Variants in PDE10A observed in about 807,000 individuals in gnomAD.
The protein encoded by PDE10A is phosphodiesterase 10A.
Under a neutral mutation model 97.7 loss-of-function variants are expected in PDE10A, and 39 were observed. The observed-to-expected ratio is 0.40, with a 90% CI of 0.31 to 0.52. The LOEUF (loss-of-function observed/expected upper bound fraction) is 0.52, where lower values mean the gene tolerates loss of function less well. Among genes scored for constraint, PDE10A ranks in the 20% least tolerant of loss-of-function variants. The probability of loss-of-function intolerance (pLI) is 0.56; values close to 1 mark genes in which losing one functional copy is unlikely to be tolerated. For synonymous variants in PDE10A, 371 were observed against 376.8 expected (o/e 0.98, Z 0.18); for missense variants, 731 against 1,047.8 (o/e 0.70, Z 4.17).
chr6:165,396,584 A>T, intron 13 of PDE10A, 125 bp from the exon 14 acceptor site: 1 of 871,184 alleles, frequency 1.1e-6, no homozygotes, highest in East Asian at 2.6e-5. Flanking sequence ...TGGATTTATT[A>T]TTATCCGTAT....
intron 18 of PDE10A, among the ~76,000 whole-genome samples, chr6:165,353,698 A>G (rs1474649258): frequency 6.6e-6 from 1 of 152,216 alleles, no homozygotes; most frequent in Non-Finnish European, 1.5e-5. Flanking sequence ...TGAGGACTGT[A>G]AAAGGATCAG....
chr6:165,704,405 G>A (rs567409857), intron 1 of PDE10A, among the ~76,000 whole-genome samples: 1 of 152,306 alleles, frequency 6.6e-6, no homozygotes, highest in South Asian at 2.1e-4. Context: ...GATAACATCA[G>A]CAAAAATGCG....
chr6:165,602,905 T>C (rs570332953), intron 1 of PDE10A, among the ~76,000 whole-genome samples: 39 of 152,314 alleles, frequency 2.6e-4, no homozygotes, highest in African/African-American at 9.1e-4. Context: ...CTGTTGGCAA[T>C]AATTATTGTT....
chr6:165,779,087 T>C (rs1388426377), intron 1 of PDE10A, among the ~76,000 whole-genome samples: 1 of 152,262 alleles, frequency 6.6e-6, no homozygotes, highest in East Asian at 1.9e-4. Flanking sequence ...AGATGTTATT[T>C]CATTCCCAGA....
At chr6:165,766,843 T>C (rs770313151) in intron 1 of PDE10A, among the ~76,000 whole-genome samples, 51 of 152,250 alleles carry the variant, frequency 3.3e-4, no homozygotes, top group Non-Finnish European at 5.9e-4. Flanking sequence ...ATTCCATTTA[T>C]GTAAAACTTT....
intron 1 of PDE10A, among the ~76,000 whole-genome samples, chr6:165,794,105 C>G (rs934988234): frequency 8.2e-6 from 1 of 121,822 alleles, no homozygotes; most frequent in Non-Finnish European, 1.7e-5. Context: ...CAACATGGTT[C>G]TACGCAGGCA....
intron 1 of PDE10A, among the ~76,000 whole-genome samples, chr6:165,544,276 T>G (rs1041732778): frequency 2.6e-5 from 4 of 152,248 alleles, no homozygotes; most frequent in African/African-American, 9.6e-5. Context: ...AATCTTGACA[T>G]TTATTCGTTA....
intron 3 of PDE10A, among the ~76,000 whole-genome samples, chr6:165,462,597 G>A (rs1455807641): frequency 6.6e-6 from 1 of 152,186 alleles, no homozygotes; most frequent in Admixed American, 6.5e-5. Flanking sequence ...TTGCAGCCAT[G>A]TCGAGACTGA....
intron 3 of PDE10A, among the ~76,000 whole-genome samples, chr6:165,451,506 T>C (rs1402478585): frequency 6.6e-6 from 1 of 152,188 alleles, no homozygotes; most frequent in African/African-American, 2.4e-5. Flanking sequence ...TAACACACCA[T>C]GTGCTGCAAA....
In PDE10A at chr6:165,789,857, T is replaced by C. The variant is rs562320471; in HGVS notation, c.-615+197672A>G. On this transcript the variant is annotated intron_variant, in intron 1 of 19. Coordinates refer to the PDE10A transcript ENST00000366882. ...AAAAATATATATGGTTTACTCATGG[T>C]CACTATAATATTGATAGTTTGACCC... Among the ~76,000 whole-genome samples, 28 of 152,330 alleles carry C rather than the reference T, an allele frequency of 1.8e-4. No homozygotes were observed. In the South Asian group the frequency reaches 5.6e-3, roughly 30 times the overall value.
At chr6:165,921,764 T>A (rs1782758557) in intron 1 of PDE10A, among the ~76,000 whole-genome samples, 1 of 152,000 alleles carries the variant, frequency 6.6e-6, no homozygotes, top group Non-Finnish European at 1.5e-5. Flanking sequence ...ATGGGAGAAT[T>A]TTAGAAAGTG....
chr6:165,691,089 C>CTT (rs1791261654), intron 1 of PDE10A, among the ~76,000 whole-genome samples: 1 of 49,556 alleles, frequency 2.0e-5, no homozygotes, highest in Non-Finnish European at 5.5e-5. Flanking sequence ...CTCTCTCTCT[C>CTT]TCTCTCTCTT....
rs79266185 is a variant in PDE10A, at chr6:165,427,396, G to A, written c.1653+1262C>T. ...GCTACATATTATGTGATTCTTTTCA[G>A]ATAAAATGCCCAGAATTGGTAAACC... On this transcript the variant is annotated intron_variant, in intron 10 of 21. Coordinates refer to ENST00000539869, the MANE Select transcript of PDE10A (RefSeq NM_001385079.1). 3.8e-3 allele frequency among the ~76,000 whole-genome samples: 585 copies of A among 152,190 alleles called. 2 individuals carry two copies. The highest frequency in any genetic ancestry group is 0.014 in the African/African-American group (562 of 41,538).
In PDE10A at chr6:165,378,926, C is replaced by T. The variant is rs371411622; in HGVS notation, c.2783+268G>A. On this transcript the variant is annotated intron_variant, in intron 18 of 21. Transcript: ENST00000539869. ...ACCTCTTGGAGAAACATCATTCCAG[C>T]CTTTCCTTTGAAAGTTGCCAATCCC... Among the ~76,000 whole-genome samples, 24 of 152,282 alleles carry T rather than the reference C, an allele frequency of 1.6e-4. No individual in the cohort carries two copies. The East Asian group carries it at 4.3e-3, about 27-fold the overall frequency.
chr6:165,390,223 G>A (rs897679188), intron 16 of PDE10A, among the ~76,000 whole-genome samples: 10 of 152,198 alleles, frequency 6.6e-5, no homozygotes, highest in Non-Finnish European at 1.5e-4. Flanking sequence ...GGAAAACCAA[G>A]AGTGCCGAAT....
intron 13 of PDE10A, among the ~76,000 whole-genome samples, chr6:165,398,307 T>G (rs1298460845): frequency 6.6e-6 from 1 of 152,112 alleles, no homozygotes; most frequent in Admixed American, 6.5e-5. Flanking sequence ...GGCGAAACCC[T>G]GTCTCTACTA....
intron 1 of PDE10A, among the ~76,000 whole-genome samples, chr6:165,837,171 C>T (rs1780085621): frequency 6.6e-6 from 1 of 151,004 alleles, no homozygotes; most frequent in Non-Finnish European, 1.5e-5. Flanking sequence ...GCACATTGTG[C>T]ACATGTACCC....
Position 165,388,652 on chromosome 6 carries a change from C to T in PDE10A, c.2455-199G>A, listed in dbSNP as rs1562411061. Among the ~76,000 whole-genome samples, 2 of 152,014 alleles carry T rather than the reference C, an allele frequency of 1.3e-5. No individual in the cohort carries two copies. Among genetic ancestry groups the T allele is most frequent in the African/African-American group, 4.8e-5 (2 of 41,380 alleles). On this transcript the variant is annotated intron_variant, in intron 16 of 21. Coordinates refer to ENST00000539869, the MANE Select transcript of PDE10A (RefSeq NM_001385079.1). This position sits in a 1 kb window ranked among gnomAD's most constrained non-coding sequence, Gnocchi z 4.0. ...CAGATAATCTAACTCATTTGTAGGC[C>T]CTTTCTTTGTTTCTCTGCTTAGGAA...
chr6:165,721,703 C>T (rs1016848154), intron 1 of PDE10A, among the ~76,000 whole-genome samples: 1 of 152,230 alleles, frequency 6.6e-6, no homozygotes, highest in Non-Finnish European at 1.5e-5. Flanking sequence ...TATGCCTCTG[C>T]ACCCAGTAAT....
Sources: allele counts gnomAD v4.1 joint callset (sites outside exome capture counted in the v4.1 genomes callset), GRCh38; gene constraint gnomAD v4.1.1; non-coding constraint Gnocchi (gnomAD v3.1); transcripts MANE v1.5; gene names NCBI Gene and HGNC (gene_info 2026-07-23, HGNC 2026-07-21).